TAFA2: variants seen among roughly 807,000 people sequenced by gnomAD.
The protein encoded by TAFA2 is chemokine-like protein TAFA-2.
TAFA2 carries 7 observed loss-of-function variants against 18.8 expected under a neutral mutation model. The observed-to-expected ratio is 0.37, with a 90% CI of 0.21 to 0.70. TAFA2 has a LOEUF of 0.70. Among genes scored for constraint, TAFA2 ranks in the 30% least tolerant of loss-of-function variants. The pLI is 0.53. For synonymous variants in TAFA2, 60 were observed against 54.2 expected, an observed-to-expected ratio of 1.11 and a Z score of -0.47; for missense variants, 122 against 158.1, an observed-to-expected ratio of 0.77 and a Z score of 1.23.
At chr12:61,854,687 C>A (rs1401243010) in intron 2 of TAFA2, among the ~76,000 whole-genome samples, 3 of 152,042 alleles carry the variant, frequency 2.0e-5, no homozygotes, top group Non-Finnish European at 2.9e-5. Context: ...GGAGAAATAT[C>A]TTCAATATTC....
chr12:62,074,732 C>T (rs565127306), intron 1 of TAFA2, among the ~76,000 whole-genome samples: 69 of 146,854 alleles, frequency 4.7e-4, no homozygotes, highest in Non-Finnish European at 7.7e-4. Flanking sequence ...GACAGAGTCT[C>T]ACTCTGTCAC....
intron 1 of TAFA2, among the ~76,000 whole-genome samples, chr12:62,089,712 C>A (rs376518059): frequency 6.6e-6 from 1 of 152,026 alleles, no homozygotes; most frequent in East Asian, 1.9e-4. Flanking sequence ...TCTGAATGAT[C>A]TTTTTAAAAC....
intron 1 of TAFA2, among the ~76,000 whole-genome samples, chr12:62,202,945 G>A (rs866682615): frequency 6.9e-6 from 1 of 145,980 alleles, no homozygotes; most frequent in Non-Finnish European, 1.5e-5. Context: ...TCATACCTCA[G>A]CCTCCTTTGT....
chr12:62,234,887 G>T, intron 1 of TAFA2: 2 of 999,374 alleles, frequency 2.0e-6, no homozygotes, highest in Non-Finnish European at 3.1e-6. Context: ...GGCATCCCAC[G>T]ATCATGGGCA....
intron 1 of TAFA2, among the ~76,000 whole-genome samples, chr12:61,885,825 A>C (rs1875351150): frequency 6.6e-6 from 1 of 152,196 alleles, no homozygotes; most frequent in African/African-American, 2.4e-5. Context: ...ATGGCTGAAC[A>C]GGCTTCATTC....
chr12:61,902,218 T>C (rs1228182513), intron 1 of TAFA2, among the ~76,000 whole-genome samples: 1 of 151,560 alleles, frequency 6.6e-6, no homozygotes, highest in Non-Finnish European at 1.5e-5. Flanking sequence ...AGCCAAACTA[T>C]AAAACCAAGG....
chr12:62,059,310 C>G (rs1181791197), intron 1 of TAFA2, among the ~76,000 whole-genome samples: 2 of 151,766 alleles, frequency 1.3e-5, no homozygotes, highest in Admixed American at 1.3e-4. Context: ...GAAGGATACC[C>G]AGTCTCTAAA....
At chr12:61,926,321 G>A (rs889280376) in intron 1 of TAFA2, among the ~76,000 whole-genome samples, 1 of 152,090 alleles carries the variant, frequency 6.6e-6, no homozygotes, top group African/African-American at 2.4e-5. Context: ...AGAAAAAGAG[G>A]GACTCCTCCG....
intron 1 of TAFA2, among the ~76,000 whole-genome samples, chr12:62,066,126 CGTGTGTGTGTGT>C (rs3221978): frequency 6.9e-6 from 1 of 145,470 alleles, no homozygotes; most frequent in South Asian, 2.2e-4. Flanking sequence ...CTGAAACAGC[CGTGTGTGTGTGT>C]GTGTGTGTGT....
intron 4 of TAFA2, among the ~76,000 whole-genome samples, chr12:61,735,888 C>T (rs372026841): frequency 2.0e-5 from 3 of 152,006 alleles, no homozygotes; most frequent in East Asian, 3.9e-4. Context: ...GAGACTGGGG[C>T]CATAATCTTT....
At chr12:62,160,113 T>C (rs749033010) in intron 1 of TAFA2, among the ~76,000 whole-genome samples, 4 of 152,194 alleles carry the variant, frequency 2.6e-5, no homozygotes, top group Non-Finnish European at 5.9e-5. Context: ...GGCAAACTAG[T>C]GGGTGTTGAG....
intron 1 of TAFA2, among the ~76,000 whole-genome samples, chr12:61,873,507 C>T (rs968336408): frequency 2.6e-5 from 4 of 151,526 alleles, no homozygotes; most frequent in African/African-American, 7.3e-5. Context: ...CCAAAGTGAG[C>T]GTAGATTATG....
At chr12:61,854,419 G>C (rs1021242995) in intron 2 of TAFA2, among the ~76,000 whole-genome samples, 2 of 151,996 alleles carry the variant, frequency 1.3e-5, no homozygotes, top group African/African-American at 2.4e-5. Flanking sequence ...GAAACAGAGA[G>C]GGGGGAAGAT....
At chr12:61,717,271 C>T (rs970244888) in intron 4 of TAFA2, among the ~76,000 whole-genome samples, 1 of 152,136 alleles carries the variant, frequency 6.6e-6, no homozygotes, top group Non-Finnish European at 1.5e-5. Flanking sequence ...ATGAAAGACA[C>T]CTATTGGTCT....
intron 2 of TAFA2, among the ~76,000 whole-genome samples, chr12:61,830,562 G>A (rs371207406): frequency 2.0e-5 from 3 of 151,882 alleles, no homozygotes; most frequent in Admixed American, 2.0e-4. Context: ...CATGGGCATA[G>A]AGGGGAAATA....
At chr12:62,241,828 A>C (rs1396586691) in intron 1 of TAFA2, among the ~76,000 whole-genome samples, 1 of 152,222 alleles carries the variant, frequency 6.6e-6, no homozygotes, top group African/African-American at 2.4e-5. Flanking sequence ...CATTAAAAAC[A>C]AGCACCTCAT....
chr12:61,757,784 C>A (rs1001510318), intron 2 of TAFA2, among the ~76,000 whole-genome samples: 5 of 151,996 alleles, frequency 3.3e-5, no homozygotes, highest in African/African-American at 1.2e-4. Context: ...AGAGATTGAT[C>A]ATCTATGTCA....
rs1159801233 is a variant in TAFA2 at position 61,941,994 on chromosome 12, G to A, written c.-1-74568C>T. The stretch of plus-strand genomic sequence containing the variant: ...CCTGCCTCTGTAGGCTCCACCTCTG[G>A]GGGCAGGGCACAGACAAACAAAAAG... On this transcript the variant is annotated intron_variant, in intron 1 of 4. Coordinates refer to ENST00000416284, the MANE Select transcript of TAFA2 (RefSeq NM_178539.5). 3.0e-3 allele frequency among the ~76,000 whole-genome samples: 451 copies of A among 151,746 alleles called. 5 individuals are homozygous for A. Among genetic ancestry groups the A allele is most frequent in the African/African-American group, 0.011 (435 of 41,136 alleles).
chr12:62,156,855 T>C (rs1230453145), intron 1 of TAFA2, among the ~76,000 whole-genome samples: 1 of 152,122 alleles, frequency 6.6e-6, no homozygotes, highest in East Asian at 1.9e-4. Flanking sequence ...CTCATGTAAC[T>C]AAATACCGCC....
Sources: gnomAD v4.1 joint callset for allele counts (sites outside exome capture counted in the v4.1 genomes callset) on GRCh38, gnomAD v4.1.1 for gene constraint, MANE v1.5 for transcripts, NCBI Gene and HGNC (gene_info 2026-07-23, HGNC 2026-07-21) for gene names.